KIAA1217: variants seen among roughly 807,000 people sequenced by gnomAD.
KIAA1217 encodes KIAA1217.
In KIAA1217, 88 loss-of-function variants were observed where a neutral mutation model predicts 163.9. The observed-to-expected ratio is 0.54, with a 90% CI of 0.45 to 0.64. KIAA1217 has a LOEUF of 0.64. Ranked by LOEUF, KIAA1217 falls within the 30% of genes least tolerant of loss-of-function variation. The pLI, the probability that KIAA1217 is intolerant of heterozygous loss-of-function variation, is 0.00. For missense variants in KIAA1217, 2,372 were observed against 2,475.0 expected (o/e 0.96, Z 0.88); for synonymous variants, 903 against 923.1 (o/e 0.98, Z 0.39).
chr10:24,135,421 G>T (rs2063797818), intron 2 of KIAA1217, among the ~76,000 whole-genome samples: 1 of 151,906 alleles, frequency 6.6e-6, no homozygotes, highest in African/African-American at 2.4e-5. Flanking sequence ...GCTTGCCTCC[G>T]CTGGGATTGG....
intron 2 of KIAA1217, among the ~76,000 whole-genome samples, chr10:24,310,404 C>T (rs539728349): frequency 3.9e-5 from 6 of 152,288 alleles, no homozygotes; most frequent in Admixed American, 2.0e-4. Context: ...TGAATGACCA[C>T]GACTCTGAGT....
chr10:24,311,820 A>G (rs1004615542), intron 2 of KIAA1217, among the ~76,000 whole-genome samples: 2 of 152,132 alleles, frequency 1.3e-5, no homozygotes, highest in Non-Finnish European at 2.9e-5. Context: ...TGCCGTTAGA[A>G]TAGGAAGGGG....
intron 2 of KIAA1217, among the ~76,000 whole-genome samples, chr10:24,113,823 G>A (rs1428931400): frequency 6.6e-6 from 1 of 152,196 alleles, no homozygotes; most frequent in African/African-American, 2.4e-5. Context: ...TGAAAAAGCT[G>A]ATAGCAGAAC....
At chr10:24,208,935 G>C (rs2067728327), upstream of KIAA1217, 1 of 410,488 alleles carries the variant, frequency 2.4e-6, no homozygotes, top group Non-Finnish European at 4.4e-6. Flanking sequence ...GAGCGCGCCT[G>C]AGGACGGACG....
At chr10:24,026,633 T>C (rs1360607938) in intron 2 of KIAA1217, among the ~76,000 whole-genome samples, 1 of 151,824 alleles carries the variant, frequency 6.6e-6, no homozygotes, top group African/African-American at 2.4e-5. Context: ...CTCCTTTTTT[T>C]CTCAGTTAGG....
Position 24,544,288 on chromosome 10 carries a change from T to C in KIAA1217, c.5018T>C (p.Ile1673Thr). 1 of 1,614,102 alleles carries C rather than the reference T, an allele frequency of 6.2e-7. No homozygotes were observed. The highest frequency in any genetic ancestry group is 8.5e-7 in the Non-Finnish European group (1 of 1,180,012). Residue 1673 changes from isoleucine to threonine, a missense_variant, in exon 19 of 21, where the codon ATT (isoleucine) becomes ACT (threonine). Ile to Thr is a moderately conservative substitution (Grantham distance 89). Coordinates refer to ENST00000376454, the MANE Select transcript of KIAA1217 (RefSeq NM_019590.5). The stretch of plus-strand genomic sequence containing the variant: ...ACATTGGATAGCCTGGAGCAGACCA[T>C]TAAACAGCTCGAAAATACAATCAGT... The part of the protein sequence containing the change: ...YRTLDSLEQT[I>T]KQLENTISEM...
At chr10:23,926,050 C>A (rs906556674) in intron 1 of KIAA1217, among the ~76,000 whole-genome samples, 2 of 152,158 alleles carry the variant, frequency 1.3e-5, no homozygotes, top group African/African-American at 4.8e-5. Flanking sequence ...CAGACCTCCC[C>A]ATACTGAGGC....
chr10:23,929,499 T>A (rs1843165523), intron 1 of KIAA1217, among the ~76,000 whole-genome samples: 1 of 152,112 alleles, frequency 6.6e-6, no homozygotes, highest in African/African-American at 2.4e-5. Context: ...AGTGTTTATT[T>A]TCCCATCTTT....
intron 3 of KIAA1217, among the ~76,000 whole-genome samples, chr10:24,381,659 C>T (rs906435945): frequency 2.6e-5 from 4 of 152,104 alleles, no homozygotes; most frequent in African/African-American, 9.7e-5. Flanking sequence ...GAAACCAGTC[C>T]CTGGTGCCAA....
At chr10:24,512,185 G>C (rs1188749548) in intron 9 of KIAA1217, among the ~76,000 whole-genome samples, 1 of 152,180 alleles carries the variant, frequency 6.6e-6, no homozygotes, top group African/African-American at 2.4e-5. Context: ...AGCAGGTGGT[G>C]ACATGGTCAG....
chr10:24,092,226 T>C (rs1308973103), intron 2 of KIAA1217, among the ~76,000 whole-genome samples: 1 of 151,730 alleles, frequency 6.6e-6, no homozygotes, highest in Non-Finnish European at 1.5e-5. Context: ...GCTGAAATTA[T>C]CCATGTCAGC....
chr10:24,282,077 C>T (rs2078008056), intron 2 of KIAA1217, among the ~76,000 whole-genome samples: 1 of 151,842 alleles, frequency 6.6e-6, no homozygotes, highest in South Asian at 2.1e-4. Context: ...AAAAAAGTAC[C>T]AATAATCTGG....
chr10:24,460,075 C>T (rs1335632634), intron 5 of KIAA1217, among the ~76,000 whole-genome samples: 1 of 152,234 alleles, frequency 6.6e-6, no homozygotes, highest in African/African-American at 2.4e-5. Context: ...CTTTCAGAGC[C>T]ACTGGCCTGG....
At chr10:24,469,461 A>C (rs1318794392) in intron 5 of KIAA1217, among the ~76,000 whole-genome samples, 1 of 151,822 alleles carries the variant, frequency 6.6e-6, no homozygotes, top group Non-Finnish European at 1.5e-5. Context: ...ACTCCTGCCA[A>C]AAAGAGGAAA....
intron 2 of KIAA1217, among the ~76,000 whole-genome samples, chr10:24,340,625 C>G (rs1348179355): frequency 1.3e-5 from 2 of 152,174 alleles, no homozygotes; most frequent in Non-Finnish European, 2.9e-5. Flanking sequence ...TCTTCCCTCC[C>G]TCCTCTGTAG....
intron 2 of KIAA1217, among the ~76,000 whole-genome samples, chr10:24,277,885 G>A (rs977100029): frequency 5.3e-5 from 8 of 152,198 alleles, no homozygotes; most frequent in Admixed American, 3.3e-4. Context: ...ACGGGCAAAA[G>A]ACAGTGGCAG....
Position 24,340,669 on chromosome 10 carries a change from C to T in KIAA1217, c.355-40200C>T, listed in dbSNP as rs1000493233. 6.6e-5 allele frequency among the ~76,000 whole-genome samples: 10 copies of T among 152,278 alleles called. 1 individual carries two copies. Among genetic ancestry groups the T allele is most frequent in the South Asian group, 4.1e-4 (2 of 4,824 alleles). ...ACAGGACTAAAGCCAGACAAGGCTC[C>T]GCTGGCACAAGCAGAGCAATTCATT... On this transcript the variant is annotated intron_variant, in intron 2 of 20. Transcript: ENST00000376454.
intron 1 of KIAA1217, among the ~76,000 whole-genome samples, chr10:24,216,787 A>G (rs1302939219): frequency 6.7e-6 from 1 of 148,798 alleles, no homozygotes; most frequent in Non-Finnish European, 1.5e-5. Flanking sequence ...AGATCGCACC[A>G]CTGCACTCCA....
In KIAA1217 at chr10:24,544,214, T is replaced by C; in HGVS notation, c.4944T>C (p.Ser1648=). The C allele has an allele frequency of 6.2e-7, 1 of 1,613,874 alleles. No individual in the cohort carries two copies. The highest frequency in any genetic ancestry group is 8.5e-7 in the Non-Finnish European group (1 of 1,179,958). The change falls in exon 19 of 21, where the codon AGT becomes AGC. Residue 1648 remains serine (S), a synonymous_variant. Transcript: ENST00000376454. The part of the protein sequence containing the change: ...VRRQEQPSIE[S]TSPISRTDEI... The stretch of plus-strand genomic sequence containing the variant: ...GGCAAGAGCAGCCCAGCATCGAGAG[T>C]ACATCTCCGATTTCAAGAACTGATG...
Sources: gnomAD v4.1 joint callset for allele counts (sites outside exome capture counted in the v4.1 genomes callset) on GRCh38, gnomAD v4.1.1 for gene constraint, MANE v1.5 for transcripts, NCBI Gene and HGNC (gene_info 2026-07-23, HGNC 2026-07-21) for gene names.